AOC3: variants seen among roughly 807,000 people sequenced by gnomAD.
The protein encoded by AOC3 is amine oxidase [copper-containing] 3.
In AOC3, 47 loss-of-function variants were observed where a neutral mutation model predicts 55.4. The ratio of observed to expected loss-of-function variants is 0.85; its 90% CI spans 0.67 to 1.08. The LOEUF is 1.08. AOC3 is among the 50% of genes least tolerant of loss of function. AOC3 has a pLI of 0.00. For missense variants in AOC3, 853 were observed against 993.1 expected (o/e 0.86, Z 1.90); for synonymous variants, 386 against 410.7 (o/e 0.94, Z 0.73).
chr17:42,853,496 G>T (rs2055704194), intron 1 of AOC3: 10 of 737,028 alleles, frequency 1.4e-5, no homozygotes, highest in Non-Finnish European at 1.7e-5. Context: ...GATAGATCCT[G>T]GAGTCTGGTC....
rs2055669997 is a variant in AOC3 at position 42,851,788 on chromosome 17, C to T, written c.445C>T (p.Pro149Ser). The T allele has an allele frequency of 6.2e-7, 1 of 1,613,256 alleles. No homozygotes were observed. The highest frequency in any genetic ancestry group is 1.7e-5 in the Admixed American group (1 of 60,004). ...SELVVGPLPH[P>S]SYMRDVTVER... is the part of the protein sequence containing the mutation. ...GCTGGTGGTGGGGCCACTGCCTCAC[C>T]CCTCCTACATGCGGGACGTGACTGT... is the stretch of plus-strand genomic sequence containing the variant. The change falls in exon 1 of 4, where the codon CCC (proline) becomes TCC (serine). Residue 149 changes from proline to serine, a missense_variant. By Grantham distance (74) the Pro-to-Ser change is moderately conservative. Transcript: ENST00000308423.
rs776004087 is a variant in AOC3 at position 42,851,695 on chromosome 17, C to T, written c.352C>T (p.Pro118Ser). ...AALAHLDRGS[P>S]PPAREALAIV... ...CCTGGCTCACTTGGACAGGGGGAGC[C>T]CCCCACCTGCCCGGGAGGCACTGGC... Residue 118 changes from proline to serine, a missense_variant, in exon 1 of 4, where the codon CCC becomes TCC. Physicochemically the swap from Pro to Ser is moderately conservative, Grantham distance 74 (BLOSUM62 -1). Transcript: ENST00000308423. The T allele has an allele frequency of 6.2e-6, 10 of 1,612,188 alleles. No homozygotes were observed. The highest frequency in any genetic ancestry group is 2.7e-5 in the African/African-American group (2 of 74,910).
chr17:42,854,163 T>C (rs1307868838), intron 1 of AOC3: 1 of 274,060 alleles, frequency 3.6e-6, no homozygotes, highest in Non-Finnish European at 6.8e-6. Flanking sequence ...AGGGTAAGGA[T>C]GATCATTCAT....
chr17:42,856,880 C>T lies in AOC3; in HGVS notation c.*330C>T. 1 of 362,868 alleles carries T rather than the reference C, an allele frequency of 2.8e-6. No homozygotes were observed. The highest frequency in any genetic ancestry group is 5.1e-6 in the Non-Finnish European group (1 of 197,038). 22.5% of individuals were successfully genotyped at this position (362,868 alleles called of 1,614,324 possible). The stretch of plus-strand genomic sequence containing the variant: ...GGCTTTCCCGAATCTTTTTAGGCCA[C>T]CTCCAAGGACTCTAAAAGGGGGCTA... On this transcript the variant is annotated 3_prime_UTR_variant, in exon 4 of 4. Coordinates refer to ENST00000308423, the MANE Select transcript of AOC3 (RefSeq NM_003734.4).
rs1597969153 is a variant in AOC3, at chr17:42,854,284, C to G, written c.1601-164C>G. 2.6e-5 allele frequency: 13 copies of G among 506,122 alleles called. 3 individuals carry two copies. The Admixed American group carries it at 5.1e-4, about 20-fold the overall frequency. The allele number at this position is 506,122 out of a possible 1,614,324, so 31.4% of individuals were successfully genotyped here. A position where few individuals can be genotyped will look rare whatever the true frequency, so the allele number is the denominator to read the frequency against. On this transcript the variant is annotated intron_variant, in intron 1 of 3. Coordinates refer to ENST00000308423, the MANE Select transcript of AOC3 (RefSeq NM_003734.4). Reference sequence around the variant, plus strand: ...AGTATTTTAATTTACAGGTCAACAGCTTTGGCTAAAGGATTGGAGGTATCC... The same window carrying G: ...AGTATTTTAATTTACAGGTCAACAGGTTTGGCTAAAGGATTGGAGGTATCC...
At chr17:42,853,481 T>C in intron 1 of AOC3, 2 of 826,212 alleles carry the variant, frequency 2.4e-6, no homozygotes, top group South Asian at 5.4e-5. Flanking sequence ...CCGTGGAGCA[T>C]TCTGGATAGA....
chr17:42,851,304 C>A lies in AOC3; in HGVS notation c.-40C>A. ...GTCTTGCTGGCGTGAGAATACATTG[C>A]TCTCCTTTGGTTGAATCAGCTGTCC... is the stretch of plus-strand genomic sequence containing the variant. On this transcript the variant is annotated 5_prime_UTR_variant, in exon 1 of 4. Transcript: ENST00000308423. 6.4e-7 allele frequency: 1 copy of A among 1,552,002 alleles called. No individual in the cohort carries two copies. The highest frequency in any genetic ancestry group is 1.9e-5 in the Admixed American group (1 of 54,038).
rs763319219 is a variant in AOC3 at position 42,852,488 on chromosome 17, C to T, written c.1145C>T (p.Thr382Ile). The change falls in exon 1 of 4, where the codon ACC becomes ATC. Residue 382 changes from threonine (T) to isoleucine (I), a missense_variant. Transcript: ENST00000308423. ...GGAAATTCCCCAGCAGCAATGACGA[C>T]CCGCTATGTGGATGGAGGCTTTGGC... Reference protein sequence around the residue: ...YGGNSPAAMTTRYVDGGFGMG... With the variant: ...YGGNSPAAMTIRYVDGGFGMG... The T allele has an allele frequency of 6.2e-7, 1 of 1,614,236 alleles. No individual in the cohort carries two copies. Among genetic ancestry groups the T allele is most frequent in the Non-Finnish European group, 8.5e-7 (1 of 1,180,046 alleles).
chr17:42,856,485 C>T lies in AOC3; in HGVS notation c.2227C>T (p.Pro743Ser), dbSNP rs369356078. ...ACEVNPLACL[P>S]QAAACAPDLP... Reference sequence around the variant, plus strand: ...CGAGGTCAACCCCCTAGCTTGCCTGCCCCAGGCTGCTGCCTGTGCCCCCGA... The same window carrying T: ...CGAGGTCAACCCCCTAGCTTGCCTGTCCCAGGCTGCTGCCTGTGCCCCCGA... The change falls in exon 4 of 4, where the codon CCC becomes TCC. Residue 743 changes from proline (P) to serine (S), a missense_variant. Coordinates refer to ENST00000308423, the MANE Select transcript of AOC3 (RefSeq NM_003734.4). 22 of 1,610,268 alleles carry T rather than the reference C, an allele frequency of 1.4e-5. No homozygotes were observed. The African/African-American group carries it at 2.0e-4, about 15-fold the overall frequency.
chr17:42,855,578 G>T lies in AOC3; in HGVS notation c.2016+5G>T. 1 of 1,614,188 alleles carries T rather than the reference G, an allele frequency of 6.2e-7. No homozygotes were observed. ...AATGAGACCATTGCTGGAAAGGTCA[G>T]CTGGCCGGGGTAGAGGGTACAGGAT... On this transcript the variant is annotated splice_donor_5th_base_variant and intron_variant, in intron 3 of 3. Coordinates refer to ENST00000308423, the MANE Select transcript of AOC3 (RefSeq NM_003734.4).
chr17:42,851,870 A>T lies in AOC3; in HGVS notation c.527A>T (p.Tyr176Phe). 1.9e-6 allele frequency: 3 copies of T among 1,613,668 alleles called. No homozygotes were observed. The highest frequency in any genetic ancestry group is 2.5e-6 in the Non-Finnish European group (3 of 1,180,042). ...YHRRPVLFQE[Y>F]LDIDQMIFNR... ...CGACGCCCCGTGCTGTTCCAAGAGT[A>T]CCTGGACATAGACCAGATGATCTTC... Residue 176 changes from tyrosine to phenylalanine, a missense_variant, in exon 1 of 4, where the codon TAC becomes TTC. Physicochemically the swap from Tyr to Phe is conservative, Grantham distance 22. Coordinates refer to ENST00000308423, the MANE Select transcript of AOC3 (RefSeq NM_003734.4).
At chr17:42,854,851 C>CTTT in intron 2 of AOC3, 118 bp downstream of exon 2, 231 of 731,114 alleles carry the variant, frequency 3.2e-4, no homozygotes, top group South Asian at 9.3e-4. Context: ...TTTTCTTTTC[C>CTTT]TTTTTTTTTT....
In AOC3 at chr17:42,852,573, C is replaced by G; in HGVS notation, c.1230C>G (p.Tyr410Ter). ...TGGACTGCCCCTACTTGGCCACCTA[C>G]GTGGACTGGCACTTCCTTTTGGAGT... is the stretch of plus-strand genomic sequence containing the variant. ...RGVDCPYLATYVDWHFLLESQ... is the reference protein window; with the variant it reads ...RGVDCPYLAT The change falls in exon 1 of 4, where the codon TAC becomes TAG. Residue 410 changes from tyrosine to a stop codon, truncating the protein, a stop_gained. Coordinates refer to ENST00000308423, the MANE Select transcript of AOC3 (RefSeq NM_003734.4). LOFTEE classifies it high-confidence loss of function. 4.3e-6 allele frequency: 7 copies of G among 1,614,226 alleles called. No individual in the cohort carries two copies. The highest frequency in any genetic ancestry group is 5.9e-6 in the Non-Finnish European group (7 of 1,180,030).
rs1436593989 is a variant in AOC3 at position 42,857,013 on chromosome 17, C to G, written c.*463C>G. On this transcript the variant is annotated 3_prime_UTR_variant, in exon 4 of 4. Transcript: ENST00000308423. ...CTCATCCAGGTCCTTTCCTTCTCGT[C>G]TTCCTCTCTCTCACCTACTTCCTCC... 1 of 164,762 alleles carries G rather than the reference C, an allele frequency of 6.1e-6. No homozygotes were observed. The allele number at this position is 164,762 out of a possible 1,614,324, so 10.2% of individuals were successfully genotyped here.
chr17:42,854,213 A>G (rs1428115231), intron 1 of AOC3: 2 of 381,564 alleles, frequency 5.2e-6, no homozygotes, highest in East Asian at 3.8e-5. Flanking sequence ...TCTGCTAATG[A>G]ATGTTGAAAG....
chr17:42,852,660 C>G lies in AOC3; in HGVS notation c.1317C>G (p.Pro439=), dbSNP rs759731358. 1.9e-6 allele frequency: 3 copies of G among 1,614,174 alleles called. No homozygotes were observed. Among genetic ancestry groups the G allele is most frequent in the Admixed American group, 3.3e-5 (2 of 60,012 alleles). Residue 439 remains proline, a synonymous_variant, in exon 1 of 4, where the codon CCC becomes CCG. Transcript: ENST00000308423. The part of the protein sequence containing the change: ...FCVFEQNQGL[P]LRRHHSDLYS... ...TGTTTGAACAGAACCAGGGCCTCCC[C>G]CTGCGGCGACACCACTCAGATCTCT...
In AOC3 at chr17:42,852,489, C is replaced by T. The variant is rs748455625; in HGVS notation, c.1146C>T (p.Thr382=). ...YGGNSPAAMT[T]RYVDGGFGMG... ...GAAATTCCCCAGCAGCAATGACGAC[C>T]CGCTATGTGGATGGAGGCTTTGGCA... The change falls in exon 1 of 4, where the codon ACC becomes ACT. Residue 382 remains threonine, a synonymous_variant. Coordinates refer to ENST00000308423, the MANE Select transcript of AOC3 (RefSeq NM_003734.4). The T allele has an allele frequency of 5.0e-6, 8 of 1,614,110 alleles. No homozygotes were observed. Among genetic ancestry groups the T allele is most frequent in the Non-Finnish European group, 6.8e-6 (8 of 1,180,058 alleles).
At position 42,856,864 on chromosome 17, in the gene AOC3, G is replaced by A. The variant is rs962716708; in HGVS notation, c.*314G>A. 1.5e-5 allele frequency: 6 copies of A among 410,610 alleles called. No homozygotes were observed. Among genetic ancestry groups the A allele is most frequent in the African/African-American group, 8.0e-5 (4 of 49,880 alleles). 25.4% of individuals were successfully genotyped at this position (410,610 alleles called of 1,614,324 possible). On this transcript the variant is annotated 3_prime_UTR_variant, in exon 4 of 4. Transcript: ENST00000308423. ...CCCTTTGTTGCTGTCTGGCTTTCCC[G>A]AATCTTTTTAGGCCACCTCCAAGGA... is the stretch of plus-strand genomic sequence containing the variant.
intron 1 of AOC3, 172 bp from the exon 2 acceptor site, chr17:42,854,276 G>C: frequency 8.5e-6 from 4 of 471,068 alleles, no homozygotes; most frequent in East Asian, 7.0e-5. Flanking sequence ...TAATTTACAG[G>C]TCAACAGCTT....
Sources: allele counts gnomAD v4.1 joint callset, GRCh38; gene constraint gnomAD v4.1.1; transcripts MANE v1.5; gene names NCBI Gene and HGNC (gene_info 2026-07-23, HGNC 2026-07-21).